Variants in CALN1 observed in about 807,000 individuals in gnomAD.
CALN1 encodes calneuron 1, also known as calcium-binding protein 8.
A neutral mutation model predicts 30.6 loss-of-function variants in CALN1; 17 were observed. The ratio of observed to expected loss-of-function variants is 0.56; its 90% confidence interval spans 0.38 to 0.83. The LOEUF (loss-of-function observed/expected upper bound fraction) is 0.83. Among genes scored for constraint, CALN1 ranks in the 40% least tolerant of loss-of-function variants. CALN1 has a pLI of 0.00. For missense variants in CALN1, 291 were observed against 354.9 expected (o/e 0.82, Z 1.45); for synonymous variants, 156 against 131.4 (o/e 1.19, Z -1.28).
At chr7:72,474,860 C>T in the CALN1 span, among the ~76,000 whole-genome samples, 1 of 152,148 alleles carries the variant, frequency 6.6e-6, no homozygotes, top group East Asian at 1.9e-4. Flanking sequence ...ACACACTGGC[C>T]TCTTCCATCC....
At chr7:72,234,036 CTAAAT>C (rs1470821793) in intron 3 of CALN1, among the ~76,000 whole-genome samples, 4 of 151,644 alleles carry the variant, frequency 2.6e-5, no homozygotes, top group Admixed American at 6.6e-5. Flanking sequence ...AACAAACAAA[CTAAAT>C]TAAGCTAGAA....
intron 3 of CALN1, among the ~76,000 whole-genome samples, chr7:72,163,967 A>C (rs986918722): frequency 6.6e-6 from 1 of 152,146 alleles, no homozygotes; most frequent in African/African-American, 2.4e-5. Flanking sequence ...AAAAAATGTA[A>C]AGAAAGGAGA....
chr7:72,109,639 G>A (rs377247437), intron 3 of CALN1, among the ~76,000 whole-genome samples: 12 of 152,348 alleles, frequency 7.9e-5, no homozygotes, highest in African/African-American at 2.6e-4. Context: ...GACTGGCCTG[G>A]AAGGAGCGTG....
intron 5 of CALN1, among the ~76,000 whole-genome samples, chr7:71,820,046 T>C (rs1475758272): frequency 2.0e-5 from 3 of 152,200 alleles, no homozygotes; most frequent in Admixed American, 1.3e-4. Flanking sequence ...AATTAATGTT[T>C]CAATTAACTA....
intron 6 of CALN1, among the ~76,000 whole-genome samples, chr7:71,804,167 A>T (rs1334682695): frequency 6.6e-6 from 1 of 152,154 alleles, no homozygotes; most frequent in Admixed American, 6.5e-5. Context: ...AACACCTCTT[A>T]GTAAAATTAT....
upstream of CALN1, among the ~76,000 whole-genome samples, chr7:72,414,202 G>T (rs1461070589): frequency 6.6e-6 from 1 of 152,150 alleles, no homozygotes; most frequent in East Asian, 1.9e-4. Flanking sequence ...CCATGCTGGA[G>T]CCAGAGGCCC....
chr7:72,102,374 G>C (rs144197807), intron 4 of CALN1, among the ~76,000 whole-genome samples: 3,110 of 152,234 alleles, frequency 0.02, 59 homozygotes, highest in Non-Finnish European at 0.033. Context: ...CAATCTGGGA[G>C]ATGGAGGTTG....
At chr7:72,450,920 C>T (rs1336855226), upstream of CALN1, among the ~76,000 whole-genome samples, 4 of 152,052 alleles carry the variant, frequency 2.6e-5, no homozygotes. Flanking sequence ...GGAGCAGTGG[C>T]CTCAACTCTG....
chr7:71,946,466 C>G (rs1028783012), intron 5 of CALN1, among the ~76,000 whole-genome samples: 1 of 150,902 alleles, frequency 6.6e-6, no homozygotes, highest in Non-Finnish European at 1.5e-5. Context: ...CTCCGGGGCT[C>G]AAGTGATCCT....
At chr7:72,265,856 G>T (rs948290809) in intron 3 of CALN1, among the ~76,000 whole-genome samples, 1 of 151,978 alleles carries the variant, frequency 6.6e-6, no homozygotes, top group East Asian at 1.9e-4. Flanking sequence ...TACAAAGGCT[G>T]GGCGCAGTGG....
At chr7:71,866,417 A>G (rs1791591268) in intron 5 of CALN1, among the ~76,000 whole-genome samples, 1 of 152,114 alleles carries the variant, frequency 6.6e-6, no homozygotes, top group Admixed American at 6.6e-5. Context: ...CATATTATAT[A>G]TGTAATAGAT....
At chr7:72,336,720 G>A (rs1289564863) in intron 2 of CALN1, 3 of 985,334 alleles carry the variant, frequency 3.0e-6, no homozygotes, top group Non-Finnish European at 3.6e-6. Flanking sequence ...CTGGGCCGGG[G>A]CTCCGCAGCC....
rs371937273 is a variant in CALN1, at chr7:72,025,349, C to A, written c.389-1580G>T. The stretch of plus-strand genomic sequence containing the variant: ...AATAAAACAATAAAATAAAATAAAA[C>A]CTTATATCCCAGTCACTGATTTGCA... On this transcript the variant is annotated intron_variant, in intron 4 of 6. Transcript: ENST00000395275. Among the ~76,000 whole-genome samples the A allele has an allele frequency of 4.6e-5, 7 of 151,996 alleles. No individual in the cohort carries two copies. In the East Asian group the frequency reaches 9.6e-4, roughly 21 times the overall value.
At chr7:71,834,325 T>G (rs1789479887) in intron 5 of CALN1, among the ~76,000 whole-genome samples, 1 of 143,138 alleles carries the variant, frequency 7.0e-6, no homozygotes, top group South Asian at 2.2e-4. Context: ...AGTCTCCCTT[T>G]TAAAGGTAAT....
At position 72,226,181 on chromosome 7, in the gene CALN1, G is replaced by A. The variant is rs550925497; in HGVS notation, c.244+52505C>T. Among the ~76,000 whole-genome samples the A allele has an allele frequency of 3.3e-5, 5 of 151,910 alleles. No homozygotes were observed. In the East Asian group the frequency reaches 9.7e-4, roughly 29 times the overall value. On this transcript the variant is annotated intron_variant, in intron 3 of 6. Coordinates refer to ENST00000395275, the MANE Select transcript of CALN1 (RefSeq NM_031468.4). ...AATCGCTTGAATCCGGGAGATGGAGGTTGCAGTGAGCTAAGATCACAGCAT... is the reference window on the plus strand; with the variant it reads ...AATCGCTTGAATCCGGGAGATGGAGATTGCAGTGAGCTAAGATCACAGCAT...
chr7:72,175,342 G>A (rs552768541), intron 3 of CALN1, among the ~76,000 whole-genome samples: 14 of 152,130 alleles, frequency 9.2e-5, no homozygotes, highest in African/African-American at 2.9e-4. Flanking sequence ...CAAAGTGTTG[G>A]GATTATGGGA....
chr7:72,230,309 A>T (rs987368524), intron 3 of CALN1, among the ~76,000 whole-genome samples: 9 of 149,898 alleles, frequency 6.0e-5, no homozygotes, highest in Non-Finnish European at 8.9e-5. Context: ...CAGCCTGGGC[A>T]ATGTGGCGAA....
At position 72,147,865 on chromosome 7, in the gene CALN1, G is replaced by GC. The variant is rs1313178747; in HGVS notation, c.245-41572dup. On this transcript the variant is annotated intron_variant, in intron 3 of 6. Transcript: ENST00000395275. ...TCGCAAGGACAAAAAACCAAACATC[G>GC]CATGTTCTCACTCACAGGTGGGAAT... Among the ~76,000 whole-genome samples, 12 of 148,046 alleles carry GC rather than the reference G, an allele frequency of 8.1e-5. No homozygotes were observed. The South Asian group carries it at 2.2e-3, about 27-fold the overall frequency.
chr7:72,211,269 T>G (rs550551781), intron 3 of CALN1, among the ~76,000 whole-genome samples: 1 of 152,108 alleles, frequency 6.6e-6, no homozygotes, highest in Non-Finnish European at 1.5e-5. Flanking sequence ...CTGGGCCAGG[T>G]AGAGTTCCTC....
Sources: allele counts gnomAD v4.1 joint callset (sites outside exome capture counted in the v4.1 genomes callset), GRCh38; gene constraint gnomAD v4.1.1; transcripts MANE v1.5; gene names NCBI Gene and HGNC (gene_info 2026-07-23, HGNC 2026-07-21).